The following THRB variants were observed in gnomAD, a reference collection of about 807,000 sequenced individuals.
The protein encoded by THRB is nuclear receptor subfamily 1 group A member 2.
THRB carries 12 observed loss-of-function variants against 47.8 expected under a neutral mutation model. That is an observed-to-expected ratio of 0.25 (90% CI 0.16 to 0.41). The LOEUF (loss-of-function observed/expected upper bound fraction) is 0.41. Among genes scored for constraint, THRB ranks in the 10% least tolerant of loss-of-function variants. The pLI, the probability that THRB is intolerant of heterozygous loss-of-function variation, is 1.00. For synonymous variants in THRB, 218 were observed against 212.2 expected (o/e 1.03, Z -0.24); for missense variants, 348 against 589.2 (o/e 0.59, Z 4.24).
chr3:24,291,210 A>T (rs1191842671), intron 3 of THRB, among the ~76,000 whole-genome samples: 1 of 152,214 alleles, frequency 6.6e-6, no homozygotes, highest in African/African-American at 2.4e-5. Context: ...TTAGTAAACT[A>T]AATTCCTATG....
chr3:24,319,462 A>G (rs999936040), intron 2 of THRB, among the ~76,000 whole-genome samples: 1 of 152,266 alleles, frequency 6.6e-6, no homozygotes, highest in Non-Finnish European at 1.5e-5. Flanking sequence ...AAAAATGTCA[A>G]ATACAAAAGA....
chr3:24,459,428 G>C (rs1360994247), intron 1 of THRB: 5 of 152,140 alleles, frequency 3.3e-5, no homozygotes, highest in Admixed American at 2.6e-4. Context: ...GAACATACCT[G>C]TGCATGTGTC....
chr3:24,252,516 G>A (rs1576320447), intron 3 of THRB, among the ~76,000 whole-genome samples: 1 of 151,652 alleles, frequency 6.6e-6, no homozygotes, highest in East Asian at 1.9e-4. Flanking sequence ...GAAACCACAA[G>A]AAAATCTTTC....
chr3:24,316,914 C>G (rs367639036), intron 2 of THRB, among the ~76,000 whole-genome samples: 1 of 152,136 alleles, frequency 6.6e-6, no homozygotes, highest in Non-Finnish European at 1.5e-5. Context: ...AGGCTGAGCC[C>G]GTATTTCAGG....
At chr3:24,284,912 C>A (rs1402999970) in intron 3 of THRB, among the ~76,000 whole-genome samples, 1 of 152,042 alleles carries the variant, frequency 6.6e-6, no homozygotes, top group Non-Finnish European at 1.5e-5. Context: ...GAATGGCAAT[C>A]ATTAAAAAGT....
At chr3:24,324,005 C>T (rs1221765371) in intron 2 of THRB, among the ~76,000 whole-genome samples, 1 of 152,158 alleles carries the variant, frequency 6.6e-6, no homozygotes, top group Non-Finnish European at 1.5e-5. Context: ...CAGCTTCCAC[C>T]TTGGTCTGAA....
At chr3:24,288,779 T>TA (rs2055608222) in intron 3 of THRB, among the ~76,000 whole-genome samples, 1 of 152,316 alleles carries the variant, frequency 6.6e-6, no homozygotes, top group Admixed American at 6.5e-5. Context: ...CAGTGCCTTT[T>TA]AAAAAATGAA....
intron 1 of THRB, among the ~76,000 whole-genome samples, chr3:24,401,653 A>G (rs2067410698): frequency 6.6e-6 from 1 of 152,068 alleles, no homozygotes; most frequent in Non-Finnish European, 1.5e-5. Flanking sequence ...TCTAAATTGC[A>G]GTGAATAACA....
At chr3:24,207,403 T>G (rs2045504657) in intron 4 of THRB, among the ~76,000 whole-genome samples, 1 of 152,312 alleles carries the variant, frequency 6.6e-6, no homozygotes, top group South Asian at 2.1e-4. Context: ...ACCACATGAT[T>G]ATCTCAATAG....
chr3:24,397,579 A>G (rs575672948), intron 1 of THRB, among the ~76,000 whole-genome samples: 1 of 147,940 alleles, frequency 6.8e-6, no homozygotes, highest in South Asian at 2.1e-4. Flanking sequence ...ATGAATGCAC[A>G]TCTTAGCACC....
intron 2 of THRB, among the ~76,000 whole-genome samples, chr3:24,316,652 A>G (rs143920807): frequency 0.011 from 1,728 of 152,124 alleles, 45 homozygotes; most frequent in African/African-American, 0.039. Flanking sequence ...GTGGTTTATC[A>G]AGTCTCTCCT....
At chr3:24,277,628 T>C (rs1876039) in intron 3 of THRB, among the ~76,000 whole-genome samples, 8,159 of 152,248 alleles carry the variant, frequency 0.054, 706 homozygotes, top group African/African-American at 0.18. Context: ...TTTTCATCTA[T>C]ACAAGATTTT....
intron 4 of THRB, among the ~76,000 whole-genome samples, chr3:24,222,730 G>C (rs963445768): frequency 1.3e-5 from 2 of 152,142 alleles, no homozygotes; most frequent in African/African-American, 4.8e-5. Flanking sequence ...GCATGCAGAG[G>C]GAGGAGCAAA....
intron 5 of THRB, among the ~76,000 whole-genome samples, chr3:24,189,040 A>G (rs1320278318): frequency 6.6e-6 from 1 of 151,776 alleles, no homozygotes; most frequent in Admixed American, 6.6e-5. Context: ...GGTAATTCCC[A>G]GGAGCTTTCA....
At chr3:24,234,733 T>G (rs988718526) in intron 3 of THRB, among the ~76,000 whole-genome samples, 3 of 152,180 alleles carry the variant, frequency 2.0e-5, no homozygotes, top group African/African-American at 7.2e-5. Flanking sequence ...TACACCTGTA[T>G]GAGGGAACCC....
At chr3:24,238,911 G>A (rs1016765787) in intron 3 of THRB, among the ~76,000 whole-genome samples, 1 of 151,818 alleles carries the variant, frequency 6.6e-6, no homozygotes, top group Non-Finnish European at 1.5e-5. Context: ...AATTGACTTC[G>A]GAAACTTTGT....
At chr3:24,432,959 G>T (rs370136785) in intron 1 of THRB, among the ~76,000 whole-genome samples, 3 of 151,760 alleles carry the variant, frequency 2.0e-5, no homozygotes, top group Non-Finnish European at 4.4e-5. Context: ...AATTCAGACC[G>T]CAGGCTTAGT....
At chr3:24,138,142 A>C (rs907337606) in intron 8 of THRB, among the ~76,000 whole-genome samples, 1 of 152,104 alleles carries the variant, frequency 6.6e-6, no homozygotes, top group Non-Finnish European at 1.5e-5. Context: ...AAACGCTGCC[A>C]GCTGACCTCT....
At position 24,240,567 on chromosome 3, in the gene THRB, T is replaced by C. The variant is rs972263618; in HGVS notation, c.-42-11566A>G. On this transcript the variant is annotated intron_variant, in intron 3 of 10. Coordinates refer to ENST00000646209, the MANE Select transcript of THRB (RefSeq NM_001354712.2). ...GATGTTCACCATGTTGGAAGAGTTG[T>C]ACGAATACCTCAGTAGATGAATAAA... Among the ~76,000 whole-genome samples the C allele has an allele frequency of 3.3e-5, 5 of 152,304 alleles. 1 individual carries two copies. Among genetic ancestry groups the C allele is most frequent in the African/African-American group, 1.2e-4 (5 of 41,572 alleles).
Sources: allele counts gnomAD v4.1 joint callset (sites outside exome capture counted in the v4.1 genomes callset), GRCh38; gene constraint gnomAD v4.1.1; transcripts MANE v1.5; gene names NCBI Gene and HGNC (gene_info 2026-07-23, HGNC 2026-07-21).